The following PTPRD variants were observed in gnomAD, a reference collection of about 807,000 sequenced individuals.
PTPRD encodes the protein receptor-type tyrosine-protein phosphatase delta.
PTPRD carries 34 observed loss-of-function variants against 214.5 expected under a neutral mutation model. The observed-to-expected ratio is 0.16, with a 90% confidence interval of 0.12 to 0.21. The LOEUF (loss-of-function observed/expected upper bound fraction) is 0.21, where lower values mean the gene tolerates loss of function less well. Ranked by LOEUF, PTPRD falls within the 10% of genes least tolerant of loss-of-function variation. PTPRD has a pLI of 1.00. For missense variants in PTPRD, 2,545 were observed against 2,398.7 expected (o/e 1.06, Z -1.27); for synonymous variants, 1,128 against 845.7 (o/e 1.33, Z -5.79).
intron 35 of PTPRD, among the ~76,000 whole-genome samples, chr9:8,413,262 T>C (rs929014104): frequency 6.6e-6 from 1 of 152,218 alleles, no homozygotes; most frequent in Non-Finnish European, 1.5e-5. Flanking sequence ...TGTTTCTTTT[T>C]CCATATTTAG....
intron 9 of PTPRD, among the ~76,000 whole-genome samples, chr9:9,384,272 A>G (rs1201627403): frequency 6.9e-6 from 1 of 144,008 alleles, no homozygotes; most frequent in Non-Finnish European, 1.5e-5. Context: ...TGTATTGTAA[A>G]ATTTTGTGTG....
chr9:8,647,963 C>T (rs184744419), intron 12 of PTPRD, among the ~76,000 whole-genome samples: 1 of 152,326 alleles, frequency 6.6e-6, no homozygotes, highest in East Asian at 1.9e-4. Context: ...CAGTTGCCAC[C>T]ATGGGACTTC....
intron 12 of PTPRD, among the ~76,000 whole-genome samples, chr9:8,724,513 T>C (rs1250644999): frequency 3.3e-5 from 5 of 152,166 alleles, no homozygotes; most frequent in African/African-American, 4.8e-5. Context: ...TGCTGCCTCA[T>C]TGCTCTTTTA....
chr9:10,189,837 G>C (rs990717945), intron 3 of PTPRD, among the ~76,000 whole-genome samples: 1 of 152,142 alleles, frequency 6.6e-6, no homozygotes, highest in Non-Finnish European at 1.5e-5. Context: ...GAGTTAGTTT[G>C]GCAAGGAATG....
chr9:9,362,624 T>G (rs971866271), intron 9 of PTPRD, among the ~76,000 whole-genome samples: 4 of 151,258 alleles, frequency 2.6e-5, no homozygotes, highest in Non-Finnish European at 5.9e-5. Flanking sequence ...TTCTTGAAAT[T>G]CACTTACCCC....
At chr9:10,574,108 G>A (rs1591267078) in intron 2 of PTPRD, among the ~76,000 whole-genome samples, 1 of 151,990 alleles carries the variant, frequency 6.6e-6, no homozygotes, top group African/African-American at 2.4e-5. Context: ...ACAAATGAGG[G>A]ACACTCATTC....
At chr9:10,401,878 C>T (rs1056491121) in intron 2 of PTPRD, among the ~76,000 whole-genome samples, 7 of 151,034 alleles carry the variant, frequency 4.6e-5, no homozygotes, top group Non-Finnish European at 1.0e-4. Flanking sequence ...CAAACCCTCA[C>T]TTTAATATAT....
intron 7 of PTPRD, among the ~76,000 whole-genome samples, chr9:9,712,926 T>C (rs1159182490): frequency 6.6e-6 from 1 of 152,218 alleles, no homozygotes; most frequent in Admixed American, 6.5e-5. Flanking sequence ...TGTATCCTTG[T>C]ATAAGAAATA....
Position 9,256,092 on chromosome 9 carries a change from A to G in PTPRD, c.-202-72729T>C, listed in dbSNP as rs543968483. ...CACCCACTTGCCATCTTCAGTGTTA[A>G]CAATAAGAAAAAAACTAGGTCTGGA... On this transcript the variant is annotated intron_variant, in intron 9 of 45. Transcript: ENST00000381196. 2.0e-3 allele frequency among the ~76,000 whole-genome samples: 300 copies of G among 152,160 alleles called. 1 individual carries two copies. The highest frequency in any genetic ancestry group is 6.9e-3 in the African/African-American group (285 of 41,568).
chr9:9,249,289 G>C (rs2099974442), intron 9 of PTPRD, among the ~76,000 whole-genome samples: 1 of 151,920 alleles, frequency 6.6e-6, no homozygotes, highest in African/African-American at 2.4e-5. Context: ...CTACCTGAGG[G>C]CTCACCAGAA....
At position 9,933,036 on chromosome 9, in the gene PTPRD, T is replaced by G. The variant is rs1443047825; in HGVS notation, c.-368+5471A>C. Among the ~76,000 whole-genome samples, 11 of 152,048 alleles carry G rather than the reference T, an allele frequency of 7.2e-5. No homozygotes were observed. The East Asian group carries it at 1.9e-3, about 27-fold the overall frequency. On this transcript the variant is annotated intron_variant, in intron 5 of 45. Transcript: ENST00000381196. ...ACAGACAAGCAAATGTTGAGAGATT[T>G]TGTCACCACCAGGCCTGCCCTAAAA...
At chr9:9,059,967 ACT>A (rs893114543) in intron 10 of PTPRD, among the ~76,000 whole-genome samples, 2 of 152,134 alleles carry the variant, frequency 1.3e-5, no homozygotes, top group African/African-American at 4.8e-5. Flanking sequence ...AATGATGTAA[ACT>A]CTCTGCAAGT....
At chr9:10,013,262 C>G (rs1000655868) in intron 4 of PTPRD, among the ~76,000 whole-genome samples, 1 of 151,752 alleles carries the variant, frequency 6.6e-6, no homozygotes, top group Admixed American at 6.6e-5. Flanking sequence ...TCCCTGGCCT[C>G]TAGTTAGAGA....
At chr9:8,631,539 T>C (rs1316260314) in intron 14 of PTPRD, among the ~76,000 whole-genome samples, 1 of 151,824 alleles carries the variant, frequency 6.6e-6, no homozygotes, top group Non-Finnish European at 1.5e-5. Context: ...GGGTGTCTGT[T>C]GCACACTCTA....
chr9:8,479,634 C>A (rs2096838723), intron 30 of PTPRD, among the ~76,000 whole-genome samples: 1 of 152,174 alleles, frequency 6.6e-6, no homozygotes, highest in South Asian at 2.1e-4. Flanking sequence ...CTAAAGTTTA[C>A]CACCAATGGA....
At chr9:10,513,711 T>A (rs765175107) in intron 2 of PTPRD, among the ~76,000 whole-genome samples, 1 of 152,154 alleles carries the variant, frequency 6.6e-6, no homozygotes, top group Admixed American at 6.6e-5. Context: ...AGGGCCTGAT[T>A]TGCCAAGTCT....
At chr9:10,519,440 C>G (rs1330288003) in intron 2 of PTPRD, among the ~76,000 whole-genome samples, 1 of 151,954 alleles carries the variant, frequency 6.6e-6, no homozygotes, top group African/African-American at 2.4e-5. Flanking sequence ...ATTCAAACAT[C>G]TAACAATTAA....
intron 2 of PTPRD, among the ~76,000 whole-genome samples, chr9:10,512,186 G>GAA (rs79401803): frequency 1.3e-5 from 2 of 150,796 alleles, no homozygotes; most frequent in Non-Finnish European, 2.9e-5. Context: ...TACAAAAAAA[G>GAA]CTTATTTACC....
chr9:8,456,752 G>T (rs959757117), intron 33 of PTPRD, among the ~76,000 whole-genome samples: 5 of 151,786 alleles, frequency 3.3e-5, no homozygotes, highest in African/African-American at 1.2e-4. Flanking sequence ...CCTGGGATGG[G>T]GATGGAAAAA....
Sources: gnomAD v4.1 joint callset for allele counts (sites outside exome capture counted in the v4.1 genomes callset) on GRCh38, gnomAD v4.1.1 for gene constraint, MANE v1.5 for transcripts, NCBI Gene and HGNC (gene_info 2026-07-23, HGNC 2026-07-21) for gene names.